Variants in LRRC4C observed in about 807,000 individuals in gnomAD.
LRRC4C encodes the protein leucine-rich repeat-containing protein 4C.
Under a neutral mutation model 33.6 loss-of-function variants are expected in LRRC4C, and 5 were observed. That is an observed-to-expected ratio of 0.15 (90% CI 0.08 to 0.31). LRRC4C has a LOEUF of 0.31. LRRC4C is among the 10% of genes least tolerant of loss of function. The pLI is 1.00. For synonymous variants in LRRC4C, 329 were observed against 302.0 expected (o/e 1.09, Z -0.93); for missense variants, 560 against 796.7 (o/e 0.70, Z 3.58).
At chr11:40,303,566 A>C (rs530765347) in intron 4 of LRRC4C, among the ~76,000 whole-genome samples, 1 of 152,316 alleles carries the variant, frequency 6.6e-6, no homozygotes, top group East Asian at 1.9e-4. Context: ...TGAGAAGAGT[A>C]AGGGCATTAT....
intron 3 of LRRC4C, among the ~76,000 whole-genome samples, chr11:40,500,683 A>C (rs925941874): frequency 1.6e-4 from 25 of 152,122 alleles, no homozygotes; most frequent in Admixed American, 9.8e-4. Flanking sequence ...ATTATCTCCC[A>C]CCAGGTCCCT....
At chr11:41,331,891 T>C (rs1347287813) in intron 1 of LRRC4C, among the ~76,000 whole-genome samples, 1 of 152,204 alleles carries the variant, frequency 6.6e-6, no homozygotes, top group Non-Finnish European at 1.5e-5. Context: ...TTTGTTATCT[T>C]CTCAACATAC....
Position 40,280,721 on chromosome 11 carries a change from G to A in LRRC4C, c.-176+38907C>T, listed in dbSNP as rs774508644. Among the ~76,000 whole-genome samples, 60 of 152,280 alleles carry A rather than the reference G, an allele frequency of 3.9e-4. 1 individual carries two copies. Among genetic ancestry groups the A allele is most frequent in the Admixed American group, 7.8e-4 (12 of 15,300 alleles). On this transcript the variant is annotated intron_variant, in intron 4 of 6. Coordinates refer to ENST00000528697, the MANE Select transcript of LRRC4C (RefSeq NM_001258419.2). The stretch of plus-strand genomic sequence containing the variant: ...TTGTTCTTTCTAATTGTCAGAGACT[G>A]CTGCTCTGCACTTGCCTGGAGCGAT...
chr11:40,903,714 ATAGT>A (rs1003630558), intron 2 of LRRC4C, among the ~76,000 whole-genome samples: 6 of 152,286 alleles, frequency 3.9e-5, no homozygotes, highest in African/African-American at 1.2e-4. Context: ...GGTACAAAAA[ATAGT>A]TAGAAAGAAT....
chr11:40,907,977 T>C (rs1272105798), intron 2 of LRRC4C, among the ~76,000 whole-genome samples: 2 of 152,172 alleles, frequency 1.3e-5, no homozygotes, highest in Non-Finnish European at 2.9e-5. Context: ...GGTGAAATTA[T>C]ATCCACTGAA....
intron 3 of LRRC4C, among the ~76,000 whole-genome samples, chr11:40,622,515 G>A (rs1483960382): frequency 1.3e-5 from 2 of 151,888 alleles, no homozygotes; most frequent in Admixed American, 6.6e-5. Context: ...ATGAGTGTGA[G>A]AGTCAAGCCG....
intron 5 of LRRC4C, among the ~76,000 whole-genome samples, chr11:40,152,727 G>A (rs1440425056): frequency 6.6e-6 from 1 of 152,032 alleles, no homozygotes; most frequent in Admixed American, 6.6e-5. Flanking sequence ...ATCCTCCTAG[G>A]TACACAACTC....
At chr11:40,889,240 T>C (rs1435926288) in intron 2 of LRRC4C, among the ~76,000 whole-genome samples, 6 of 152,110 alleles carry the variant, frequency 3.9e-5, no homozygotes, top group African/African-American at 1.4e-4. Context: ...CTAGGTTTTG[T>C]GAAAGCAAAT....
chr11:41,167,682 G>C (rs1944790604), intron 1 of LRRC4C, among the ~76,000 whole-genome samples: 2 of 152,146 alleles, frequency 1.3e-5, no homozygotes, highest in Admixed American at 1.3e-4. Context: ...ATACAGAAAA[G>C]TGTCACCAAA....
At chr11:41,021,182 AG>A (rs1471248731) in intron 1 of LRRC4C, among the ~76,000 whole-genome samples, 1 of 119,500 alleles carries the variant, frequency 8.4e-6, no homozygotes, top group Non-Finnish European at 1.8e-5. Flanking sequence ...AGAGAGAGAG[AG>A]AGAGAGAGAG....
At chr11:40,477,527 C>T (rs1218989650) in intron 3 of LRRC4C, among the ~76,000 whole-genome samples, 3 of 151,948 alleles carry the variant, frequency 2.0e-5, no homozygotes, top group Admixed American at 1.3e-4. Context: ...TGTTACCTTC[C>T]TTTGCATCAT....
At chr11:41,222,273 T>A (rs1004912882) in intron 1 of LRRC4C, among the ~76,000 whole-genome samples, 1 of 152,150 alleles carries the variant, frequency 6.6e-6, no homozygotes, top group Non-Finnish European at 1.5e-5. Context: ...AAAGGTTCTA[T>A]CACTTAACAG....
At chr11:41,075,474 G>T (rs1480997643) in intron 1 of LRRC4C, among the ~76,000 whole-genome samples, 1 of 151,952 alleles carries the variant, frequency 6.6e-6, no homozygotes, top group Non-Finnish European at 1.5e-5. Context: ...TTAGTGGAAG[G>T]TATTATTTTA....
At chr11:41,292,806 T>C (rs1439362852) in intron 1 of LRRC4C, among the ~76,000 whole-genome samples, 2 of 152,158 alleles carry the variant, frequency 1.3e-5, no homozygotes, top group Non-Finnish European at 2.9e-5. Context: ...GTGAATTCCT[T>C]GTTGGGAGAA....
At chr11:41,124,510 C>T (rs1477296304) in intron 1 of LRRC4C, among the ~76,000 whole-genome samples, 2 of 152,190 alleles carry the variant, frequency 1.3e-5, no homozygotes, top group Non-Finnish European at 2.9e-5. Context: ...CAAAGCCAGG[C>T]ATACAGGCCT....
At chr11:40,299,086 T>C (rs1944650365) in intron 4 of LRRC4C, among the ~76,000 whole-genome samples, 1 of 152,212 alleles carries the variant, frequency 6.6e-6, no homozygotes, top group Non-Finnish European at 1.5e-5. Flanking sequence ...TGCAATCAAC[T>C]ACAACTTCTC....
At chr11:40,878,147 G>A (rs1409378578) in intron 2 of LRRC4C, among the ~76,000 whole-genome samples, 1 of 151,976 alleles carries the variant, frequency 6.6e-6, no homozygotes, top group East Asian at 1.9e-4. Flanking sequence ...GATGGAAGTG[G>A]TAGATAACAT....
chr11:41,111,065 A>G (rs1426896702), intron 1 of LRRC4C, among the ~76,000 whole-genome samples: 1 of 152,066 alleles, frequency 6.6e-6, no homozygotes, highest in Non-Finnish European at 1.5e-5. Context: ...CATTATACTC[A>G]TAGATTGATG....
chr11:40,826,417 C>T (rs1202429893), intron 2 of LRRC4C, among the ~76,000 whole-genome samples: 1 of 151,878 alleles, frequency 6.6e-6, no homozygotes, highest in Non-Finnish European at 1.5e-5. Context: ...ACTTTTGAGG[C>T]AGGAAGAGAA....
Sources: gnomAD v4.1 joint callset for allele counts (sites outside exome capture counted in the v4.1 genomes callset) on GRCh38, gnomAD v4.1.1 for gene constraint, MANE v1.5 for transcripts, NCBI Gene and HGNC (gene_info 2026-07-23, HGNC 2026-07-21) for gene names.